Variants in OPCML observed in about 807,000 individuals in gnomAD.
OPCML encodes opioid-binding protein/cell adhesion molecule.
In OPCML, 13 loss-of-function variants were observed where a neutral mutation model predicts 37.8. The observed-to-expected ratio is 0.34, with a 90% confidence interval of 0.22 to 0.55. OPCML has a LOEUF of 0.55. OPCML is among the 20% of genes least tolerant of loss of function. The pLI is 0.91. For synonymous variants in OPCML, 176 were observed against 168.8 expected (o/e 1.04, Z -0.33); for missense variants, 341 against 435.6 (o/e 0.78, Z 1.93).
intron 1 of OPCML, among the ~76,000 whole-genome samples, chr11:133,089,847 C>G (rs1948876919): frequency 6.6e-6 from 1 of 152,048 alleles, no homozygotes; most frequent in Admixed American, 6.6e-5. Context: ...TCAAAATCTG[C>G]TGTCAATGAT....
At chr11:133,231,775 A>G (rs541610408) in intron 1 of OPCML, among the ~76,000 whole-genome samples, 54 of 152,348 alleles carry the variant, frequency 3.5e-4, no homozygotes, top group African/African-American at 1.3e-3. Flanking sequence ...GGATTAAATG[A>G]GACCACACAT....
chr11:133,209,271 G>A (rs533047718), intron 1 of OPCML, among the ~76,000 whole-genome samples: 18 of 152,338 alleles, frequency 1.2e-4, no homozygotes, highest in East Asian at 3.9e-4. Context: ...AATACCTGGC[G>A]TGGAAAAGAT....
chr11:132,764,307 C>T (rs77235490), intron 2 of OPCML, among the ~76,000 whole-genome samples: 2,281 of 152,248 alleles, frequency 0.015, 52 homozygotes, highest in African/African-American at 0.051. Flanking sequence ...ACCATTGCTG[C>T]TCACCGCCCA....
In OPCML at chr11:132,657,314, G is replaced by C. The variant is rs1050719165; in HGVS notation, c.152C>G (p.Thr51Ser). 1.2e-6 allele frequency: 2 copies of C among 1,614,070 alleles called. No homozygotes were observed. The highest frequency in any genetic ancestry group is 2.7e-5 in the African/African-American group (2 of 74,934). The change falls in exon 3 of 8, where the codon ACC becomes AGC. Residue 51 changes from threonine (T) to serine (S), a missense_variant. Physicochemically the swap from Thr to Ser is moderately conservative, Grantham distance 58. Coordinates refer to ENST00000524381, the MANE Select transcript of OPCML (RefSeq NM_001012393.5). ...CACCCGGGTTACCCGGTCATCTATG[G>C]TACACCTGCAGTGAGGCAGGGAGTG... Reference protein sequence around the residue: ...RQGESATLRCTIDDRVTRVAW... With the variant: ...RQGESATLRCSIDDRVTRVAW...
intron 4 of OPCML, among the ~76,000 whole-genome samples, chr11:132,441,855 C>A (rs370637598): frequency 6.6e-6 from 1 of 152,294 alleles, no homozygotes; most frequent in East Asian, 1.9e-4. Flanking sequence ...GAGCAGAAGC[C>A]TCAGGGTTCT....
intron 4 of OPCML, among the ~76,000 whole-genome samples, chr11:132,499,861 A>C (rs886618913): frequency 6.6e-6 from 1 of 152,232 alleles, no homozygotes; most frequent in African/African-American, 2.4e-5. Context: ...AACAGGGAAC[A>C]CTACTCAAAT....
chr11:132,855,357 T>C (rs1270340841), intron 2 of OPCML, among the ~76,000 whole-genome samples: 1 of 152,178 alleles, frequency 6.6e-6, no homozygotes, highest in Non-Finnish European at 1.5e-5. Flanking sequence ...AAATTATCCA[T>C]AAAAGCCTTA....
intron 1 of OPCML, chr11:133,006,054 C>A (rs922927357): frequency 3.0e-6 from 3 of 985,296 alleles, no homozygotes; most frequent in Non-Finnish European, 3.6e-6. Flanking sequence ...ATCCTAAGGG[C>A]GACCGGGAAT....
intron 3 of OPCML, among the ~76,000 whole-genome samples, chr11:132,563,934 T>A (rs1232742116): frequency 6.6e-6 from 1 of 152,146 alleles, no homozygotes; most frequent in African/African-American, 2.4e-5. Context: ...TGCTGTTGAT[T>A]CCAGATAGCC....
chr11:133,477,509 AT>A (rs1947269823), intron 1 of OPCML, among the ~76,000 whole-genome samples: 1 of 152,180 alleles, frequency 6.6e-6, no homozygotes, highest in Non-Finnish European at 1.5e-5. Context: ...TTTGAATCCC[AT>A]TCATTTTCAA....
At chr11:132,877,460 C>T (rs2136416849) in intron 2 of OPCML, among the ~76,000 whole-genome samples, 1 of 152,238 alleles carries the variant, frequency 6.6e-6, no homozygotes, top group South Asian at 2.1e-4. Flanking sequence ...ATTGTGGTCA[C>T]CTGAAGAGTT....
intron 2 of OPCML, among the ~76,000 whole-genome samples, chr11:132,808,563 A>G (rs1256618337): frequency 6.6e-6 from 1 of 152,178 alleles, no homozygotes; most frequent in Non-Finnish European, 1.5e-5. Context: ...AAATTTGATG[A>G]TCATTGGGTA....
At position 132,832,766 on chromosome 11, in the gene OPCML, G is replaced by A. The variant is rs959327987; in HGVS notation, c.146+110160C>T. ...CACACACTAAATGGCATAGCCTACT[G>A]CACACCTAGGCTACACGGGAGAGCC... On this transcript the variant is annotated intron_variant, in intron 2 of 7. Transcript: ENST00000524381. Among the ~76,000 whole-genome samples the A allele has an allele frequency of 2.0e-5, 3 of 152,108 alleles. No homozygotes were observed. The East Asian group carries it at 5.8e-4, about 29-fold the overall frequency.
chr11:133,385,456 G>C (rs1025029472), intron 1 of OPCML, among the ~76,000 whole-genome samples: 6 of 152,280 alleles, frequency 3.9e-5, no homozygotes, highest in Admixed American at 2.6e-4. Flanking sequence ...GCAAAGGCTT[G>C]GTCGTCCGGC....
intron 4 of OPCML, among the ~76,000 whole-genome samples, chr11:132,446,970 G>A (rs557925909): frequency 6.8e-4 from 104 of 152,228 alleles, no homozygotes; most frequent in African/African-American, 2.3e-3. Flanking sequence ...CGTGGTCAGT[G>A]GACTGCCAAT....
At chr11:133,140,777 A>ACG (rs1422185229) in intron 1 of OPCML, among the ~76,000 whole-genome samples, 6 of 148,396 alleles carry the variant, frequency 4.0e-5, no homozygotes, top group African/African-American at 1.5e-4. Context: ...GAAGAAGAAG[A>ACG]AGAAGACGAC....
chr11:132,597,123 AAGAAAG>A (rs1183644911), intron 3 of OPCML, among the ~76,000 whole-genome samples: 2 of 152,222 alleles, frequency 1.3e-5, no homozygotes, highest in Non-Finnish European at 2.9e-5. Flanking sequence ...TTAAAAATCA[AAGAAAG>A]AGAAAGAACC....
rs141474006 is a variant in OPCML at position 133,115,327 on chromosome 11, C to A, written c.62-172317G>T. On this transcript the variant is annotated intron_variant, in intron 1 of 7. Coordinates refer to ENST00000524381, the MANE Select transcript of OPCML (RefSeq NM_001012393.5). ...GGACCTACAGGGTGTTTGCTCAAAG[C>A]CCTTGGCAAGCCCACTGCTCATGCT... Among the ~76,000 whole-genome samples, 366 of 152,312 alleles carry A rather than the reference C, an allele frequency of 2.4e-3. 1 individual carries two copies. Among genetic ancestry groups the A allele is most frequent in the African/African-American group, 8.6e-3 (357 of 41,556 alleles).
intron 3 of OPCML, among the ~76,000 whole-genome samples, chr11:132,638,292 C>G (rs1940648707): frequency 6.6e-6 from 1 of 151,338 alleles, no homozygotes; most frequent in East Asian, 1.9e-4. Flanking sequence ...CTCTGGTGTT[C>G]AGACCCCTGT....
Sources: allele counts gnomAD v4.1 joint callset (sites outside exome capture counted in the v4.1 genomes callset), GRCh38; gene constraint gnomAD v4.1.1; transcripts MANE v1.5; gene names NCBI Gene and HGNC (gene_info 2026-07-23, HGNC 2026-07-21).